The following BRINP3 variants were observed in gnomAD, a reference collection of about 807,000 sequenced individuals.
BRINP3 encodes BMP/retinoic acid-inducible neural-specific protein 3.
BRINP3 carries 19 observed loss-of-function variants against 71.0 expected under a neutral mutation model. The ratio of observed to expected loss-of-function variants is 0.27; its 90% CI spans 0.19 to 0.39. The LOEUF (loss-of-function observed/expected upper bound fraction) is 0.39, where lower values mean the gene tolerates loss of function less well. Ranked by LOEUF, BRINP3 falls within the 10% of genes least tolerant of loss-of-function variation. The pLI, the probability that BRINP3 is intolerant of heterozygous loss-of-function variation, is 1.00. For missense variants in BRINP3, 959 were observed against 940.8 expected (o/e 1.02, Z -0.25); for synonymous variants, 380 against 337.7 (o/e 1.13, Z -1.37).
chr1:190,189,388 A>T (rs1653831293), intron 6 of BRINP3, among the ~76,000 whole-genome samples: 1 of 152,112 alleles, frequency 6.6e-6, no homozygotes, highest in Non-Finnish European at 1.5e-5. Context: ...TGTATAAATG[A>T]TTTGAACATT....
At chr1:190,261,350 A>G (rs1356484344) in intron 4 of BRINP3, among the ~76,000 whole-genome samples, 1 of 152,136 alleles carries the variant, frequency 6.6e-6, no homozygotes, top group Non-Finnish European at 1.5e-5. Context: ...ATTGTGAAAT[A>G]AAATTTGATA....
intron 4 of BRINP3, among the ~76,000 whole-genome samples, chr1:190,260,236 G>T (rs933128125): frequency 1.3e-5 from 2 of 152,042 alleles, no homozygotes; most frequent in Middle Eastern, 6.8e-3. Flanking sequence ...ATGACATGAA[G>T]ATTATAGTTA....
At chr1:190,311,390 C>G (rs772691196) in intron 2 of BRINP3, among the ~76,000 whole-genome samples, 9 of 151,258 alleles carry the variant, frequency 6.0e-5, no homozygotes, top group African/African-American at 9.7e-5. Flanking sequence ...AAAGATTAGT[C>G]CTAGTGTGAA....
chr1:190,206,169 T>G (rs1655482364), intron 6 of BRINP3, among the ~76,000 whole-genome samples: 1 of 151,982 alleles, frequency 6.6e-6, no homozygotes, highest in Admixed American at 6.6e-5. Flanking sequence ...GACTTAAATG[T>G]AACAACACAG....
chr1:190,370,247 C>A (rs557429148), intron 2 of BRINP3, among the ~76,000 whole-genome samples: 4 of 151,906 alleles, frequency 2.6e-5, no homozygotes, highest in Admixed American at 6.6e-5. Context: ...CATTGTTAAC[C>A]TAATCAAGAA....
In BRINP3 at chr1:190,292,365, A is replaced by C. The variant is rs139513786; in HGVS notation, c.237-10615T>G. ...GACAAGAAAAAATATAAAATAAAAAAAATGACAACTGGGCACAGTCGCTCA... is the reference window on the plus strand; with the variant it reads ...GACAAGAAAAAATATAAAATAAAAACAATGACAACTGGGCACAGTCGCTCA... On this transcript the variant is annotated intron_variant, in intron 2 of 7. Transcript: ENST00000367462. Among the ~76,000 whole-genome samples the C allele has an allele frequency of 4.6e-3, 693 of 152,288 alleles. 4 individuals are homozygous for C. The highest frequency in any genetic ancestry group is 0.016 in the African/African-American group (663 of 41,530).
chr1:190,253,839 C>T (rs1660386697), intron 4 of BRINP3, among the ~76,000 whole-genome samples: 1 of 152,222 alleles, frequency 6.6e-6, no homozygotes, highest in Non-Finnish European at 1.5e-5. Flanking sequence ...GAAGTCCTTG[C>T]CCATGCCTAT....
At chr1:190,180,146 G>T (rs1652901999) in intron 6 of BRINP3, among the ~76,000 whole-genome samples, 2 of 152,076 alleles carry the variant, frequency 1.3e-5, no homozygotes. Context: ...GCACACAAAA[G>T]GGAAAGAGCA....
intron 2 of BRINP3, among the ~76,000 whole-genome samples, chr1:190,335,108 G>A (rs1667204823): frequency 6.6e-6 from 1 of 151,782 alleles, no homozygotes; most frequent in Non-Finnish European, 1.5e-5. Flanking sequence ...AGTTAGTACT[G>A]GGAAAGCAGG....
At chr1:190,280,024 C>T (rs904686775) in intron 3 of BRINP3, among the ~76,000 whole-genome samples, 9 of 151,806 alleles carry the variant, frequency 5.9e-5, no homozygotes, top group Middle Eastern at 3.4e-3. Flanking sequence ...ATAGCTAAGG[C>T]CCTTGTTTTT....
intron 6 of BRINP3, among the ~76,000 whole-genome samples, chr1:190,191,989 C>T (rs1654075814): frequency 6.6e-6 from 1 of 151,982 alleles, no homozygotes; most frequent in Non-Finnish European, 1.5e-5. Flanking sequence ...AATGTTTATA[C>T]ATTTCAAGAT....
At position 190,216,146 on chromosome 1, in the gene BRINP3, T is replaced by A. The variant is rs562741082; in HGVS notation, c.961+9936A>T. 8.6e-5 allele frequency among the ~76,000 whole-genome samples: 13 copies of A among 151,896 alleles called. No individual in the cohort carries two copies. The South Asian group carries it at 2.7e-3, about 31-fold the overall frequency. On this transcript the variant is annotated intron_variant, in intron 6 of 7. Coordinates refer to ENST00000367462, the MANE Select transcript of BRINP3 (RefSeq NM_199051.3). ...ATTTGCACAAGTCTTTTGGTTTTAA[T>A]CATTAAAATATGCATGCAAAACTGT...
intron 4 of BRINP3, among the ~76,000 whole-genome samples, chr1:190,238,131 T>C (rs1395403459): frequency 6.6e-6 from 1 of 152,064 alleles, no homozygotes; most frequent in Non-Finnish European, 1.5e-5. Context: ...TATACTCTAT[T>C]ATACTGTCCA....
At chr1:190,417,178 TA>T (rs2102439044) in intron 2 of BRINP3, among the ~76,000 whole-genome samples, 1 of 151,466 alleles carries the variant, frequency 6.6e-6, no homozygotes, top group South Asian at 2.1e-4. Context: ...CAAACTAAGG[TA>T]AATAAAACTC....
intron 2 of BRINP3, among the ~76,000 whole-genome samples, chr1:190,417,523 T>C (rs1673086105): frequency 6.6e-6 from 1 of 152,100 alleles, no homozygotes; most frequent in South Asian, 2.1e-4. Flanking sequence ...TTTTAATACT[T>C]CCCAGGAAGT....
At chr1:190,227,283 A>G (rs954185488) in intron 5 of BRINP3, among the ~76,000 whole-genome samples, 2 of 151,902 alleles carry the variant, frequency 1.3e-5, no homozygotes, top group African/African-American at 4.8e-5. Flanking sequence ...TTGATTTAAT[A>G]AAAATCATTG....
At chr1:190,305,291 G>C (rs1248567851) in intron 2 of BRINP3, among the ~76,000 whole-genome samples, 5 of 151,688 alleles carry the variant, frequency 3.3e-5, no homozygotes, top group Admixed American at 1.3e-4. Flanking sequence ...GTGGGAGAGA[G>C]ATTTGCATTC....
intron 6 of BRINP3, among the ~76,000 whole-genome samples, chr1:190,207,640 T>C (rs1196987661): frequency 1.3e-5 from 2 of 152,122 alleles, no homozygotes; most frequent in African/African-American, 4.8e-5. Context: ...CGAAAGGACA[T>C]TGTTCAAACA....
intron 2 of BRINP3, among the ~76,000 whole-genome samples, chr1:190,327,087 G>A (rs1218611626): frequency 1.3e-5 from 2 of 151,144 alleles, no homozygotes; most frequent in Non-Finnish European, 1.5e-5. Flanking sequence ...AGGCCAAGGC[G>A]GGTGGATCAC....
Sources: gnomAD v4.1 joint callset for allele counts (sites outside exome capture counted in the v4.1 genomes callset) on GRCh38, gnomAD v4.1.1 for gene constraint, MANE v1.5 for transcripts, NCBI Gene and HGNC (gene_info 2026-07-23, HGNC 2026-07-21) for gene names.